Variants in KCNQ1 observed in about 807,000 individuals in gnomAD.
KCNQ1 encodes potassium voltage-gated channel subfamily Q member 1.
Under a neutral mutation model 72.4 loss-of-function variants are expected in KCNQ1, and 49 were observed. That is an observed-to-expected ratio of 0.68 (90% CI 0.54 to 0.86). KCNQ1 has a LOEUF of 0.86. KCNQ1 is among the 40% of genes least tolerant of loss of function. KCNQ1 has a pLI of 0.00. For missense variants in KCNQ1, 790 were observed against 945.1 expected (o/e 0.84, Z 2.15); for synonymous variants, 450 against 412.6 (o/e 1.09, Z -1.10).
intron 11 of KCNQ1, among the ~76,000 whole-genome samples, chr11:2,716,134 A>T (rs1851089015): frequency 6.6e-6 from 1 of 152,110 alleles, no homozygotes; most frequent in Non-Finnish European, 1.5e-5. Flanking sequence ...TGGTTGCCGG[A>T]TCCTCATTAA....
At chr11:2,790,983 G>T (rs768638766) in intron 15 of KCNQ1, among the ~76,000 whole-genome samples, 1 of 152,132 alleles carries the variant, frequency 6.6e-6, no homozygotes, top group Non-Finnish European at 1.5e-5. Context: ...CCACACTAGC[G>T]TCTCTCTTTC....
At chr11:2,569,416 T>C (rs1232686502) in intron 2 of KCNQ1, among the ~76,000 whole-genome samples, 1 of 152,236 alleles carries the variant, frequency 6.6e-6, no homozygotes, top group East Asian at 1.9e-4. Flanking sequence ...GCGATGGCAG[T>C]GTCCAGCTGA....
chr11:2,777,708 C>T (rs1846735176), intron 14 of KCNQ1: 3 of 602,812 alleles, frequency 5.0e-6, no homozygotes, highest in Non-Finnish European at 8.9e-6. Flanking sequence ...GTGTGGCCAG[C>T]TTAGGCAGCC....
chr11:2,450,393 A>G lies in KCNQ1; in HGVS notation c.386+4909A>G, dbSNP rs1846105053. 6.6e-6 allele frequency among the ~76,000 whole-genome samples: 1 copy of G among 152,162 alleles called. No homozygotes were observed. The highest frequency in any genetic ancestry group is 6.5e-5 in the Admixed American group (1 of 15,270). On this transcript the variant is annotated intron_variant, in intron 1 of 15. Transcript: ENST00000155840. The surrounding 1 kb of genome is among the most constrained non-coding windows in gnomAD (Gnocchi z 7.9). ...GCCGCAGAGAAGCTTCCAGAAGCCC[A>G]ACATCTGCTGCTGGAGGGGAGAATG...
At chr11:2,499,011 C>G (rs114874874) in intron 1 of KCNQ1, among the ~76,000 whole-genome samples, 2 of 152,136 alleles carry the variant, frequency 1.3e-5, no homozygotes, top group African/African-American at 4.8e-5. Context: ...CCAGGTGAGG[C>G]GATGCCCCAC....
At chr11:2,632,973 GT>G (rs1018953991) in intron 10 of KCNQ1, 7 of 398,190 alleles carry the variant, frequency 1.8e-5, no homozygotes, top group Non-Finnish European at 2.7e-5. Flanking sequence ...TCTACTTTTA[GT>G]TTTTTTGACA....
intron 10 of KCNQ1, chr11:2,646,956 T>C: frequency 2.5e-6 from 1 of 398,666 alleles, no homozygotes; most frequent in Non-Finnish European, 4.4e-6. Flanking sequence ...GACATTCTCT[T>C]TTCCAATTTG....
intron 11 of KCNQ1, chr11:2,675,495 A>G (rs1238854220): frequency 1.5e-5 from 6 of 398,596 alleles, no homozygotes; most frequent in Non-Finnish European, 2.7e-5. Context: ...TTCATGAGAC[A>G]TAGCAGTCAC....
intron 1 of KCNQ1, among the ~76,000 whole-genome samples, chr11:2,489,168 C>A (rs913168978): frequency 6.6e-6 from 1 of 152,210 alleles, no homozygotes; most frequent in African/African-American, 2.4e-5. Flanking sequence ...AGAGACAGTA[C>A]TGAATCACTG....
Position 2,651,679 on chromosome 11 carries a change from C to G in KCNQ1, c.1394-10282C>G, listed in dbSNP as rs1169338588. ...AGCTCACTGACATTAGCCACGTGGCCCTCTGTTTCCTGTAATAGGCCATTT... is the reference window on the plus strand; with the variant it reads ...AGCTCACTGACATTAGCCACGTGGCGCTCTGTTTCCTGTAATAGGCCATTT... On this transcript the variant is annotated intron_variant, in intron 10 of 15. Transcript: ENST00000155840. This position sits in a 1 kb window ranked among gnomAD's most constrained non-coding sequence, Gnocchi z 6.1. The G allele has an allele frequency of 2.5e-6, 1 of 398,514 alleles. No individual in the cohort carries two copies. Among genetic ancestry groups the G allele is most frequent in the Non-Finnish European group, 4.4e-6 (1 of 226,084 alleles). 24.7% of individuals were successfully genotyped at this position (398,514 alleles called of 1,614,324 possible).
chr11:2,725,688 A>T lies in KCNQ1; in HGVS notation c.1515-43156A>T, dbSNP rs1295763262. 6.6e-6 allele frequency among the ~76,000 whole-genome samples: 1 copy of T among 151,666 alleles called. No homozygotes were observed. Among genetic ancestry groups the T allele is most frequent in the East Asian group, 1.9e-4 (1 of 5,154 alleles). On this transcript the variant is annotated intron_variant, in intron 11 of 15. Coordinates refer to ENST00000155840, the MANE Select transcript of KCNQ1 (RefSeq NM_000218.3). The surrounding 1 kb of genome is among the most constrained non-coding windows in gnomAD (Gnocchi z 7.2). The stretch of plus-strand genomic sequence containing the variant: ...AAAGCCCCAGGCCCACAGGCTGTGC[A>T]CTCCAGCCGAGGGCAGCCTGGGGAA...
At chr11:2,581,251 G>C (rs967852184) in intron 6 of KCNQ1, among the ~76,000 whole-genome samples, 1 of 152,240 alleles carries the variant, frequency 6.6e-6, no homozygotes, top group Non-Finnish European at 1.5e-5. Flanking sequence ...TTGGTAAACA[G>C]TGGATGTGCT....
rs1420702130 is a variant in KCNQ1, at chr11:2,445,019, G to C, written c.-80G>C. On this transcript the variant is annotated 5_prime_UTR_variant, in exon 1 of 16. Coordinates refer to ENST00000155840, the MANE Select transcript of KCNQ1 (RefSeq NM_000218.3). Reference sequence around the variant, plus strand: ...GCGGGGCTGGCAGCAGTGGCTGCCCGCACTGCGCCCGGGCGCTCGCCTTCG... The same window carrying C: ...GCGGGGCTGGCAGCAGTGGCTGCCCCCACTGCGCCCGGGCGCTCGCCTTCG... 1.6e-5 allele frequency: 15 copies of C among 958,242 alleles called. No individual in the cohort carries two copies. The highest frequency in any genetic ancestry group is 1.8e-5 in the Non-Finnish European group (14 of 798,876). 59.4% of individuals were successfully genotyped at this position (958,242 alleles called of 1,614,324 possible).
intron 15 of KCNQ1, among the ~76,000 whole-genome samples, chr11:2,786,701 A>G (rs1423723659): frequency 1.3e-5 from 2 of 151,726 alleles, no homozygotes; most frequent in Non-Finnish European, 2.9e-5. Flanking sequence ...TGAATTTTAA[A>G]CTTCAATTAT....
rs1404564124 is a variant in KCNQ1, at chr11:2,563,101, A to T, written c.478-7527A>T. On this transcript the variant is annotated intron_variant, in intron 2 of 15. Transcript: ENST00000155840. This position sits in a 1 kb window ranked among gnomAD's most constrained non-coding sequence, Gnocchi z 7.4. ...TTCAGGCTGCCCTGTGATCTTTCCC[A>T]CGTGATTGATTGACACAGGGACCTT... 6.6e-6 allele frequency among the ~76,000 whole-genome samples: 1 copy of T among 152,110 alleles called. No individual in the cohort carries two copies. Among genetic ancestry groups the T allele is most frequent in the African/African-American group, 2.4e-5 (1 of 41,400 alleles).
chr11:2,666,464 G>C, intron 11 of KCNQ1: 4 of 398,694 alleles, frequency 1.0e-5, no homozygotes, highest in Non-Finnish European at 4.4e-6. Flanking sequence ...GGACCCTGCA[G>C]AATCTCACGC....
At position 2,640,471 on chromosome 11, in the gene KCNQ1, A is replaced by G. The variant is rs1425060435; in HGVS notation, c.1394-21490A>G. 1.0e-5 allele frequency: 4 copies of G among 398,312 alleles called. No individual in the cohort carries two copies. In the East Asian group the frequency reaches 1.4e-4, roughly 14 times the overall value. 24.7% of individuals were successfully genotyped at this position (398,312 alleles called of 1,614,324 possible). A position where few individuals can be genotyped will look rare whatever the true frequency, so the allele number is the denominator to read the frequency against. ...TGGATAACTTCTTAATTTTTTGTAGAGACAGGGTCGTGCATTGTTGCCCAG... is the reference window on the plus strand; with the variant it reads ...TGGATAACTTCTTAATTTTTTGTAGGGACAGGGTCGTGCATTGTTGCCCAG... On this transcript the variant is annotated intron_variant, in intron 10 of 15. Transcript: ENST00000155840.
Position 2,450,978 on chromosome 11 carries a change from G to A in KCNQ1, c.386+5494G>A, listed in dbSNP as rs1846112502. Among the ~76,000 whole-genome samples, 1 of 152,128 alleles carries A rather than the reference G, an allele frequency of 6.6e-6. No homozygotes were observed. Among genetic ancestry groups the A allele is most frequent in the Admixed American group, 6.5e-5 (1 of 15,280 alleles). ...GGGGAAGATCCATGATGGGACCCAG[G>A]TGTCTTCCCACTTCTCGACCATCTC... is the stretch of plus-strand genomic sequence containing the variant. On this transcript the variant is annotated intron_variant, in intron 1 of 15. Coordinates refer to ENST00000155840, the MANE Select transcript of KCNQ1 (RefSeq NM_000218.3). This position sits in a 1 kb window ranked among gnomAD's most constrained non-coding sequence, Gnocchi z 7.9.
At chr11:2,832,241 G>A (rs115827180) in intron 15 of KCNQ1, among the ~76,000 whole-genome samples, 569 of 152,342 alleles carry the variant, frequency 3.7e-3, no homozygotes, top group African/African-American at 0.012. Flanking sequence ...GATGGGCAGC[G>A]TTAGAGAAGC....
Sources: gnomAD v4.1 joint callset for allele counts (sites outside exome capture counted in the v4.1 genomes callset) on GRCh38, gnomAD v4.1.1 for gene constraint, Gnocchi (gnomAD v3.1) non-coding constraint, MANE v1.5 for transcripts, NCBI Gene and HGNC (gene_info 2026-07-23, HGNC 2026-07-21) for gene names.